The following KLC2 variants were observed in gnomAD, a reference collection of about 807,000 sequenced individuals.
KLC2 encodes the protein kinesin light chain 2.
In KLC2, 35 loss-of-function variants were observed where a neutral mutation model predicts 75.1. The observed-to-expected ratio is 0.47, with a 90% CI of 0.36 to 0.62. KLC2 has a LOEUF of 0.62. KLC2 is among the 20% of genes least tolerant of loss of function. KLC2 has a pLI of 0.00. For synonymous variants in KLC2, 314 were observed against 336.7 expected (o/e 0.93, Z 0.74); for missense variants, 611 against 833.2 (o/e 0.73, Z 3.28).
At chr11:66,254,218 T>C (rs1014396752), upstream of KLC2, among the ~76,000 whole-genome samples, 2 of 152,184 alleles carry the variant, frequency 1.3e-5, no homozygotes, top group East Asian at 3.9e-4. Context: ...CAAGGCTCTG[T>C]CTCAAAACAA....
intron 1 of KLC2, 57 bp from the exon 2 acceptor site, chr11:66,258,527 G>A: frequency 8.3e-7 from 1 of 1,201,558 alleles, no homozygotes; most frequent in Non-Finnish European, 1.2e-6. Context: ...AATCCGGGGC[G>A]GACGGCGGTG....
At chr11:66,253,647 G>A (rs1855981021), upstream of KLC2, among the ~76,000 whole-genome samples, 2 of 152,218 alleles carry the variant, frequency 1.3e-5, no homozygotes, top group Admixed American at 1.3e-4. Context: ...GGACAGTGCA[G>A]GATGAAGTAA....
Position 66,262,874 on chromosome 11 carries a change from G to C in KLC2, c.590G>C (p.Arg197Pro). 6.2e-7 allele frequency: 1 copy of C among 1,613,694 alleles called. No individual in the cohort carries two copies. Among genetic ancestry groups the C allele is most frequent in the Non-Finnish European group, 8.5e-7 (1 of 1,179,918 alleles). The change falls in exon 5 of 16, where the codon CGG becomes CCG. Residue 197 changes from arginine to proline, a missense_variant. Coordinates refer to ENST00000394067, the MANE Select transcript of KLC2 (RefSeq NM_001318734.2). ...CATGGGGGCTACGAGATCCCGGCCC[G>C]GCTCCGCACCCTGCACAACCTGGTG... ...GQHGGYEIPARLRTLHNLVIQ... is the reference protein window; with the variant it reads ...GQHGGYEIPAPLRTLHNLVIQ...
chr11:66,248,297 G>A, the KLC2 span, among the ~76,000 whole-genome samples: 1 of 152,282 alleles, frequency 6.6e-6, no homozygotes, highest in South Asian at 2.1e-4. Context: ...TAACTAGTGA[G>A]TCAATCGTGA....
chr11:66,258,541 C>T (rs1340865876), intron 1 of KLC2, 43 bp from the exon 2 acceptor site: 15 of 1,401,932 alleles, frequency 1.1e-5, no homozygotes, highest in Admixed American at 1.7e-5. Flanking sequence ...GGCGGTGTGG[C>T]CCCAGGCCCG....
Position 66,261,670 on chromosome 11 carries a change from A to T in KLC2, c.229-72A>T. Reference sequence around the variant, plus strand: ...GCCCTTCACTGGGTGCCAGAGCCCAACTAGGCCCAGGCTACAGTCATAGGC... The same window carrying T: ...GCCCTTCACTGGGTGCCAGAGCCCATCTAGGCCCAGGCTACAGTCATAGGC... On this transcript the variant is annotated intron_variant, in intron 2 of 15. Coordinates refer to ENST00000394067, the MANE Select transcript of KLC2 (RefSeq NM_001318734.2). 4 of 1,003,604 alleles carry T rather than the reference A, an allele frequency of 4.0e-6. No homozygotes were observed. In the South Asian group the frequency reaches 4.4e-5, roughly 11 times the overall value. 62.2% of individuals were successfully genotyped at this position (1,003,604 alleles called of 1,614,324 possible).
rs750799902 is a variant in KLC2 at position 66,265,986 on chromosome 11, G to T, written c.1576G>T (p.Val526Leu). 2 of 1,611,054 alleles carry T rather than the reference G, an allele frequency of 1.2e-6. No individual in the cohort carries two copies. Among genetic ancestry groups the T allele is most frequent in the Admixed American group, 3.3e-5 (2 of 59,818 alleles). Residue 526 changes from valine to leucine, a missense_variant, in exon 13 of 16, where the codon GTG becomes TTG. By Grantham distance (32) the Val-to-Leu change is conservative. Coordinates refer to ENST00000394067, the MANE Select transcript of KLC2 (RefSeq NM_001318734.2). The stretch of plus-strand genomic sequence containing the variant: ...TCGGTCTGAGTCTGACCTCGAGGAC[G>T]TGGGACCTACAGCTGAGTGGAATGG... ...GPRSESDLED[V>L]GPTAEWNGDG... is the part of the protein sequence containing the mutation.
chr11:66,263,858 C>T lies in KLC2; in HGVS notation c.848C>T (p.Ala283Val), dbSNP rs765203566. The T allele has an allele frequency of 6.8e-6, 11 of 1,613,786 alleles. No homozygotes were observed. The Admixed American group carries it at 8.3e-5, about 12-fold the overall frequency. ...TLGKDHPAVA[A>V]TLNNLAVLYG... ...CCGTTCTCCCACCTCCAGGTGGCTG[C>T]GACACTAAACAACCTGGCAGTCCTG... The change falls in exon 7 of 16, where the codon GCG becomes GTG. Residue 283 changes from alanine (A) to valine (V), a missense_variant. Ala to Val is a moderately conservative substitution (Grantham distance 64). Transcript: ENST00000394067.
At chr11:66,253,295 G>A (rs1044900453), upstream of KLC2, among the ~76,000 whole-genome samples, 2 of 152,032 alleles carry the variant, frequency 1.3e-5, no homozygotes, top group African/African-American at 2.4e-5. Context: ...CAAGTGGGAC[G>A]ACAGCCTTGG....
chr11:66,267,148 C>T lies in KLC2; in HGVS notation c.*192C>T. The T allele has an allele frequency of 9.7e-6, 15 of 1,541,452 alleles. No individual in the cohort carries two copies. The highest frequency in any genetic ancestry group is 1.3e-5 in the Non-Finnish European group (15 of 1,141,698). On this transcript the variant is annotated 3_prime_UTR_variant, in exon 16 of 16. Coordinates refer to ENST00000394067, the MANE Select transcript of KLC2 (RefSeq NM_001318734.2). The stretch of plus-strand genomic sequence containing the variant: ...AGGCTGGGCCTGCCCACTCCAGCTC[C>T]ATCCCTTATTTATTCCTTCCAGCAG...
At position 66,262,987 on chromosome 11, in the gene KLC2, G is replaced by A. The variant is rs371886248; in HGVS notation, c.703G>A (p.Asp235Asn). The change falls in exon 5 of 16, where the codon GAC becomes AAC. Residue 235 changes from aspartate (D) to asparagine (N), a missense_variant. Physicochemically the swap from Asp to Asn is conservative, Grantham distance 23. Coordinates refer to ENST00000394067, the MANE Select transcript of KLC2 (RefSeq NM_001318734.2). Reference protein sequence around the residue: ...LEDLEKTSGHDHPDVATMLNI... With the variant: ...LEDLEKTSGHNHPDVATMLNI... ...AGACCTGGAGAAGACGTCAGGCCACGACCACCCTGACGTTGCCACCATGCT... is the reference window on the plus strand; with the variant it reads ...AGACCTGGAGAAGACGTCAGGCCACAACCACCCTGACGTTGCCACCATGCT... The A allele has an allele frequency of 3.1e-5, 50 of 1,613,956 alleles. No individual in the cohort carries two copies. The highest frequency in any genetic ancestry group is 1.7e-4 in the Middle Eastern group (1 of 6,060).
At chr11:66,251,731 C>T in the KLC2 span, among the ~76,000 whole-genome samples, 1 of 152,190 alleles carries the variant, frequency 6.6e-6, no homozygotes, top group Non-Finnish European at 1.5e-5. Context: ...GAGACAATGC[C>T]ATTGCACTCC....
intron 4 of KLC2, 92 bp downstream of exon 4, chr11:66,262,284 C>T (rs1158241147): frequency 2.1e-6 from 2 of 962,976 alleles, no homozygotes; most frequent in African/African-American, 3.2e-5. Context: ...CTTCCTGCCT[C>T]ACTTCTGATC....
intron 11 of KLC2, 79 bp from the exon 12 acceptor site, chr11:66,265,576 C>A: frequency 8.3e-7 from 1 of 1,210,554 alleles, no homozygotes; most frequent in Non-Finnish European, 1.2e-6. Flanking sequence ...CATGCTTCCT[C>A]AGGGCCCACT....
chr11:66,247,832 C>T, the KLC2 span, among the ~76,000 whole-genome samples: 1 of 152,142 alleles, frequency 6.6e-6, no homozygotes, highest in Non-Finnish European at 1.5e-5. Context: ...AATTGGGTTC[C>T]AAATCCAGAT....
chr11:66,255,689 G>C (rs923359743), upstream of KLC2, among the ~76,000 whole-genome samples: 2 of 151,932 alleles, frequency 1.3e-5, no homozygotes, highest in Admixed American at 1.3e-4. Flanking sequence ...CTTCCGGAGA[G>C]GGGGGCTGGA....
the KLC2 span, among the ~76,000 whole-genome samples, chr11:66,251,214 G>A: frequency 1.3e-5 from 2 of 152,076 alleles, 1 homozygote; most frequent in African/African-American, 4.8e-5. Context: ...AGTTGAGGCC[G>A]GGCATGGCGG....
At chr11:66,248,117 G>A in the KLC2 span, among the ~76,000 whole-genome samples, 294 of 152,294 alleles carry the variant, frequency 1.9e-3, 2 homozygotes, top group Admixed American at 3.1e-3. Flanking sequence ...AAGTGGAAGA[G>A]CCTCTATCTA....
rs375699952 is a variant in KLC2 at position 66,262,937 on chromosome 11, T to C, written c.653T>C (p.Val218Ala). ...YASQGRYEVA[V>A]PLCKQALEDL... The stretch of plus-strand genomic sequence containing the variant: ...TCACAGGGCCGCTACGAGGTAGCTG[T>C]GCCACTCTGCAAGCAGGCACTCGAA... Residue 218 changes from valine to alanine, a missense_variant, in exon 5 of 16, where the codon GTG becomes GCG. By Grantham distance (64) the Val-to-Ala change is moderately conservative. Transcript: ENST00000394067. 4.3e-6 allele frequency: 7 copies of C among 1,613,920 alleles called. No homozygotes were observed. The highest frequency in any genetic ancestry group is 5.1e-6 in the Non-Finnish European group (6 of 1,179,974).
Sources: allele counts gnomAD v4.1 joint callset (sites outside exome capture counted in the v4.1 genomes callset), GRCh38; gene constraint gnomAD v4.1.1; transcripts MANE v1.5; gene names NCBI Gene and HGNC (gene_info 2026-07-23, HGNC 2026-07-21).